The following ARPP21 variants were observed in gnomAD, a reference collection of about 807,000 sequenced individuals.
The protein encoded by ARPP21 is cAMP regulated phosphoprotein 21.
Under a neutral mutation model 113.2 loss-of-function variants are expected in ARPP21, and 69 were observed. That is an observed-to-expected ratio of 0.61 (90% confidence interval 0.50 to 0.74). ARPP21 has a LOEUF of 0.74. Ranked by LOEUF, ARPP21 falls within the 30% of genes least tolerant of loss-of-function variation. ARPP21 has a pLI of 0.00. For missense variants in ARPP21, 1,070 were observed against 1,037.4 expected, an observed-to-expected ratio of 1.03 and a Z score of -0.43; for synonymous variants, 368 against 375.5, an observed-to-expected ratio of 0.98 and a Z score of 0.23.
chr3:35,644,932 A>G (rs981145605), intron 1 of ARPP21, among the ~76,000 whole-genome samples: 1 of 151,934 alleles, frequency 6.6e-6, no homozygotes, highest in African/African-American at 2.4e-5. Context: ...TGACAGGTTT[A>G]GAAGATTTTT....
At chr3:35,762,756 T>A (rs1161792317) in intron 19 of ARPP21, among the ~76,000 whole-genome samples, 25 of 152,150 alleles carry the variant, frequency 1.6e-4, no homozygotes, top group Admixed American at 1.6e-3. Flanking sequence ...TTATTCTTAA[T>A]TTGAAGGCAG....
intron 19 of ARPP21, among the ~76,000 whole-genome samples, chr3:35,779,742 A>G (rs935774631): frequency 3.3e-5 from 5 of 152,178 alleles, no homozygotes; most frequent in Non-Finnish European, 7.3e-5. Flanking sequence ...AACCTAAAAA[A>G]CATCAGGCTA....
At chr3:35,685,080 C>T in intron 5 of ARPP21, 1 of 985,156 alleles carries the variant, frequency 1.0e-6, no homozygotes, top group Non-Finnish European at 1.2e-6. Context: ...AATGACAGAC[C>T]CTGGGAGAAG....
chr3:35,792,126 C>A, intron 19 of ARPP21: 1 of 338,444 alleles, frequency 3.0e-6, no homozygotes, highest in Non-Finnish European at 5.4e-6. Context: ...AATAATTTAT[C>A]ATTGTCACAT....
intron 16 of ARPP21, among the ~76,000 whole-genome samples, chr3:35,737,883 T>G (rs1454151703): frequency 6.6e-6 from 1 of 152,206 alleles, no homozygotes; most frequent in Non-Finnish European, 1.5e-5. Context: ...AAACCTGAAG[T>G]GTTTCTGGTA....
chr3:35,744,597 C>T (rs548556742), intron 19 of ARPP21: 15 of 493,750 alleles, frequency 3.0e-5, no homozygotes, highest in Non-Finnish European at 5.0e-5. Flanking sequence ...AAGAGCAGCA[C>T]GAACCCGACA....
At chr3:35,696,529 T>C (rs750354419) in intron 9 of ARPP21, among the ~76,000 whole-genome samples, 5 of 151,512 alleles carry the variant, frequency 3.3e-5, no homozygotes, top group Non-Finnish European at 5.9e-5. Context: ...CCACGTTGTG[T>C]TCCTTCATCT....
intron 19 of ARPP21, among the ~76,000 whole-genome samples, chr3:35,785,817 A>T (rs2096620685): frequency 6.6e-6 from 1 of 152,112 alleles, no homozygotes; most frequent in African/African-American, 2.4e-5. Flanking sequence ...CCTCAAATTC[A>T]TTTGGATAGA....
chr3:35,754,341 A>G (rs889531280), intron 19 of ARPP21, among the ~76,000 whole-genome samples: 1 of 151,968 alleles, frequency 6.6e-6, no homozygotes, highest in Non-Finnish European at 1.5e-5. Flanking sequence ...CTCTGAGGAC[A>G]TGATTTATAC....
At chr3:35,777,166 C>T (rs1347736675) in intron 19 of ARPP21, among the ~76,000 whole-genome samples, 6 of 152,110 alleles carry the variant, frequency 3.9e-5, no homozygotes, top group African/African-American at 1.4e-4. Flanking sequence ...ACTACCAACA[C>T]CCAGTTTGTT....
intron 12 of ARPP21, among the ~76,000 whole-genome samples, chr3:35,716,950 T>C (rs570555833): frequency 2.0e-4 from 30 of 152,190 alleles, no homozygotes; most frequent in Admixed American, 1.8e-3. Context: ...CAATATTTCA[T>C]TATGCCAAAA....
At chr3:35,746,172 C>T (rs2095036261) in intron 19 of ARPP21, among the ~76,000 whole-genome samples, 1 of 152,196 alleles carries the variant, frequency 6.6e-6, no homozygotes, top group African/African-American at 2.4e-5. Flanking sequence ...GGCCTAAAAT[C>T]CCAACACAGT....
At chr3:35,710,551 AC>A (rs2090794644) in intron 11 of ARPP21, among the ~76,000 whole-genome samples, 2 of 135,200 alleles carry the variant, frequency 1.5e-5, no homozygotes, top group African/African-American at 7.0e-5. Flanking sequence ...AAACACACAC[AC>A]ACACACACAC....
chr3:35,719,750 T>C lies in ARPP21; in HGVS notation c.996-1855T>C, dbSNP rs148293617. Among the ~76,000 whole-genome samples, 234 of 152,276 alleles carry C rather than the reference T, an allele frequency of 1.5e-3. 2 individuals carry two copies. Among genetic ancestry groups the C allele is most frequent in the African/African-American group, 5.3e-3 (220 of 41,564 alleles). ...CCTGTACTCTGAGGCTAAGCACCAC[T>C]CCCAAATCATCAAGCCAATGTTTTT... On this transcript the variant is annotated intron_variant, in intron 13 of 20. Transcript: ENST00000684406.
intron 1 of ARPP21, among the ~76,000 whole-genome samples, chr3:35,653,213 T>C (rs1173436411): frequency 1.3e-5 from 2 of 152,074 alleles, no homozygotes; most frequent in African/African-American, 4.8e-5. Context: ...TTGGCTGTAG[T>C]CATAGCAGTG....
intron 15 of ARPP21, 30 bp downstream of exon 15, chr3:35,729,566 C>A: frequency 6.5e-7 from 1 of 1,542,894 alleles, no homozygotes; most frequent in Non-Finnish European, 9.0e-7. Flanking sequence ...ATCAGGGACA[C>A]AAGGCTTTCA....
intron 11 of ARPP21, among the ~76,000 whole-genome samples, chr3:35,712,414 A>G (rs925582411): frequency 2.6e-5 from 4 of 152,166 alleles, no homozygotes; most frequent in African/African-American, 7.2e-5. Context: ...GAAAGTTCAG[A>G]AATACTTCCT....
At chr3:35,746,125 G>T (rs1288864013) in intron 19 of ARPP21, among the ~76,000 whole-genome samples, 2 of 152,112 alleles carry the variant, frequency 1.3e-5, no homozygotes, top group African/African-American at 4.8e-5. Flanking sequence ...TGAGACCTTT[G>T]GGCTCTTAGT....
chr3:35,742,858 C>T (rs1262924868), intron 18 of ARPP21, among the ~76,000 whole-genome samples: 1 of 152,072 alleles, frequency 6.6e-6, no homozygotes, highest in Non-Finnish European at 1.5e-5. Context: ...TAGGCGAAAA[C>T]TCAGAAGCCC....
Sources: gnomAD v4.1 joint callset for allele counts (sites outside exome capture counted in the v4.1 genomes callset) on GRCh38, gnomAD v4.1.1 for gene constraint, MANE v1.5 for transcripts, NCBI Gene and HGNC (gene_info 2026-07-23, HGNC 2026-07-21) for gene names.